Variants in PHACTR2 observed in about 807,000 individuals in gnomAD.
PHACTR2 encodes the protein phosphatase and actin regulator 2.
In PHACTR2, 30 loss-of-function variants were observed where a neutral mutation model predicts 76.0. The ratio of observed to expected loss-of-function variants is 0.39; its 90% CI spans 0.30 to 0.54. The LOEUF is 0.54. Ranked by LOEUF, PHACTR2 falls within the 20% of genes least tolerant of loss-of-function variation. The pLI, the probability that PHACTR2 is intolerant of heterozygous loss-of-function variation, is 0.61. For synonymous variants in PHACTR2, 292 were observed against 292.5 expected, an observed-to-expected ratio of 1.00 and a Z score of 0.02; for missense variants, 696 against 781.1, an observed-to-expected ratio of 0.89 and a Z score of 1.30.
chr6:143,692,261 A>G (rs1777661813), intron 1 of PHACTR2, among the ~76,000 whole-genome samples: 1 of 152,188 alleles, frequency 6.6e-6, no homozygotes, highest in Non-Finnish European at 1.5e-5. Context: ...TCTATTATAA[A>G]GGGATTTTGT....
chr6:143,670,475 A>T lies in PHACTR2; in HGVS notation c.14-41541A>T, dbSNP rs550453860. ...TTCACTCTCCCCGTCACTTTCAGGT[A>T]GACCATTCAAACGTAGGTTTGGTCT... On this transcript the variant is annotated intron_variant, in intron 1 of 11. Coordinates refer to the PHACTR2 transcript ENST00000305766. Among the ~76,000 whole-genome samples, 6 of 152,298 alleles carry T rather than the reference A, an allele frequency of 3.9e-5. No individual in the cohort carries two copies. The South Asian group carries it at 8.3e-4, about 21-fold the overall frequency.
At chr6:143,607,703 TTAAAGA>T (rs1562246408), upstream of PHACTR2, among the ~76,000 whole-genome samples, 1 of 152,192 alleles carries the variant, frequency 6.6e-6, no homozygotes, top group African/African-American at 2.4e-5. Context: ...AACAGAGATA[TTAAAGA>T]TAGTCTTTAT....
rs1015977546 is a variant in PHACTR2, at chr6:143,788,767, C to T, written c.1708-6C>T. The T allele has an allele frequency of 1.9e-6, 3 of 1,606,378 alleles. No individual in the cohort carries two copies. Among genetic ancestry groups the T allele is most frequent in the African/African-American group, 2.7e-5 (2 of 74,874 alleles). On this transcript the variant is annotated splice_polypyrimidine_tract_variant and splice_region_variant and intron_variant, in intron 10 of 12. Transcript: ENST00000440869. ...GAACTCTGCCTTTTTCCTTGTCCTC[C>T]TGCAGCTCAGCCTGAGACCCACAGT...
Position 143,683,387 on chromosome 6 carries a change from G to T in PHACTR2, c.46+5178G>T, listed in dbSNP as rs568918780. Among the ~76,000 whole-genome samples the T allele has an allele frequency of 6.6e-6, 1 of 152,098 alleles. No homozygotes were observed. The highest frequency in any genetic ancestry group is 6.5e-5 in the Admixed American group (1 of 15,278). On this transcript the variant is annotated intron_variant, in intron 1 of 12. Transcript: ENST00000440869. The surrounding 1 kb of genome is among the most constrained non-coding windows in gnomAD (Gnocchi z 4.1). ...TTAGTCCAAGAATTACATTACTCTG[G>T]CTCTATTGTCTGAAGGGTGGTATCT...
upstream of PHACTR2, among the ~76,000 whole-genome samples, chr6:143,604,314 C>T (rs911767653): frequency 6.6e-6 from 1 of 152,124 alleles, no homozygotes; most frequent in Non-Finnish European, 1.5e-5. Context: ...TACTCTTTTA[C>T]TTCTCCATCC....
Position 143,730,447 on chromosome 6 carries a change from A to T in PHACTR2, c.214+18264A>T, listed in dbSNP as rs577712616. 2.0e-5 allele frequency among the ~76,000 whole-genome samples: 3 copies of T among 152,272 alleles called. No homozygotes were observed. In the South Asian group the frequency reaches 6.2e-4, roughly 32 times the overall value. On this transcript the variant is annotated intron_variant, in intron 2 of 12. Transcript: ENST00000440869. The surrounding 1 kb of genome is among the most constrained non-coding windows in gnomAD (Gnocchi z 4.8). The stretch of plus-strand genomic sequence containing the variant: ...GCTACTGTAAATTATATATATTTTT[A>T]AATGTCAATTTCCAGTTGTTCCTTG...
Position 143,791,679 on chromosome 6 carries a change from T to A in PHACTR2, c.1845+2769T>A, listed in dbSNP as rs1775692707. ...GGTAACAAACAAGACATGTTAAATCTCCCACTATGTGGATTTTTTTTTTTA... is the reference window on the plus strand; with the variant it reads ...GGTAACAAACAAGACATGTTAAATCACCCACTATGTGGATTTTTTTTTTTA... On this transcript the variant is annotated intron_variant, in intron 11 of 12. Coordinates refer to ENST00000440869, the MANE Select transcript of PHACTR2 (RefSeq NM_001100164.2). The surrounding 1 kb of genome is among the most constrained non-coding windows in gnomAD (Gnocchi z 4.7). 6.6e-6 allele frequency among the ~76,000 whole-genome samples: 1 copy of A among 152,124 alleles called. No homozygotes were observed. The highest frequency in any genetic ancestry group is 2.4e-5 in the African/African-American group (1 of 41,412).
At chr6:143,668,818 C>A (rs991128433) in intron 1 of PHACTR2, among the ~76,000 whole-genome samples, 2 of 152,102 alleles carry the variant, frequency 1.3e-5, no homozygotes, top group African/African-American at 4.8e-5. Flanking sequence ...TTTCAAAAAA[C>A]CAGCTCCTGG....
At chr6:143,675,692 C>T (rs573163536), upstream of PHACTR2, among the ~76,000 whole-genome samples, 1 of 152,138 alleles carries the variant, frequency 6.6e-6, no homozygotes, top group South Asian at 2.1e-4. The surrounding 1 kb of genome is among the most constrained non-coding windows in gnomAD (Gnocchi z 4.9). Flanking sequence ...GGTATTGGGT[C>T]TAATCCTGTT....
At chr6:143,594,206 T>C (rs889328885) in intron 1 of PHACTR2, among the ~76,000 whole-genome samples, 1 of 152,248 alleles carries the variant, frequency 6.6e-6, no homozygotes. Flanking sequence ...ATATGAAACA[T>C]AAATGAATTT....
intron 1 of PHACTR2, among the ~76,000 whole-genome samples, chr6:143,699,820 A>C (rs1266694054): frequency 6.6e-6 from 1 of 152,188 alleles, no homozygotes; most frequent in Non-Finnish European, 1.5e-5. Context: ...CTCCAAGTTC[A>C]GATGCCTGGG....
intron 1 of PHACTR2, among the ~76,000 whole-genome samples, chr6:143,693,328 C>A (rs1031942199): frequency 1.3e-5 from 2 of 152,126 alleles, no homozygotes; most frequent in Admixed American, 1.3e-4. Flanking sequence ...ACCTCCACTT[C>A]CCAGGTTCCA....
intron 1 of PHACTR2, among the ~76,000 whole-genome samples, chr6:143,643,458 G>A (rs978443457): frequency 1.3e-5 from 2 of 152,128 alleles, no homozygotes; most frequent in African/African-American, 4.8e-5. Context: ...GTAAATTTTA[G>A]TAACATTCCT....
At chr6:143,634,222 A>G (rs1012637679) in intron 1 of PHACTR2, among the ~76,000 whole-genome samples, 23 of 152,132 alleles carry the variant, frequency 1.5e-4, no homozygotes, top group African/African-American at 5.6e-4. Flanking sequence ...TGGAATTGCA[A>G]CCTCTTTGGG....
upstream of PHACTR2, among the ~76,000 whole-genome samples, chr6:143,603,774 A>G (rs1775838538): frequency 6.6e-6 from 1 of 152,190 alleles, no homozygotes; most frequent in Non-Finnish European, 1.5e-5. Context: ...TGATAGCTGT[A>G]TTTGTAAAAG....
intron 2 of PHACTR2, among the ~76,000 whole-genome samples, chr6:143,723,109 CATGTCTTGTCAGGCTATTGTAGGACTGTT>C (rs2128463768): frequency 6.6e-6 from 1 of 152,310 alleles, no homozygotes; most frequent in Non-Finnish European, 1.5e-5. Flanking sequence ...TAATGAACCA[CATGTCTTGTCAGGCTATTGTAGGACTGTT>C]ATGGTCCAGA....
At position 143,765,155 on chromosome 6, in the gene PHACTR2, C is replaced by G; in HGVS notation, c.695-106C>G. ...TTCTCTTATACATTTATTCAACAAA[C>G]TTTAAAGGGAACATTTTAAATGTTG... On this transcript the variant is annotated intron_variant, in intron 5 of 12. Coordinates refer to ENST00000440869, the MANE Select transcript of PHACTR2 (RefSeq NM_001100164.2). The surrounding 1 kb of genome is among the most constrained non-coding windows in gnomAD (Gnocchi z 4.1). 2.2e-6 allele frequency: 2 copies of G among 890,232 alleles called. No individual in the cohort carries two copies. The highest frequency in any genetic ancestry group is 3.5e-6 in the Non-Finnish European group (2 of 578,424). The allele number at this position is 890,232 out of a possible 1,614,324, so 55.1% of individuals were successfully genotyped here.
chr6:143,802,459 G>A (rs1775978827), intron 11 of PHACTR2, among the ~76,000 whole-genome samples: 1 of 150,860 alleles, frequency 6.6e-6, no homozygotes, highest in East Asian at 1.9e-4. Context: ...GGGCAACACA[G>A]CAAAACCTCA....
intron 1 of PHACTR2, among the ~76,000 whole-genome samples, chr6:143,651,648 T>A (rs777704587): frequency 1.3e-5 from 2 of 151,398 alleles, no homozygotes; most frequent in Non-Finnish European, 2.9e-5. Flanking sequence ...TGAGAACACA[T>A]GGACACATGG....
Sources: gnomAD v4.1 joint callset for allele counts (sites outside exome capture counted in the v4.1 genomes callset) on GRCh38, gnomAD v4.1.1 for gene constraint, Gnocchi (gnomAD v3.1) non-coding constraint, MANE v1.5 for transcripts, NCBI Gene and HGNC (gene_info 2026-07-23, HGNC 2026-07-21) for gene names.